DHRSX: variants seen among roughly 807,000 people sequenced by gnomAD.
DHRSX encodes dehydrogenase/reductase X-linked, also known as polyprenol dehydrogenase.
DHRSX carries 31 observed loss-of-function variants against 34.0 expected under a neutral mutation model. The observed-to-expected ratio is 0.91, with a 90% CI of 0.69 to 1.23. The LOEUF is 1.23. Ranked by LOEUF, DHRSX falls within the 50% of genes most tolerant of loss-of-function variation. The pLI is 0.00. For synonymous variants in DHRSX, 201 were observed against 183.8 expected, an observed-to-expected ratio of 1.09 and a Z score of -0.76; for missense variants, 414 against 428.1, an observed-to-expected ratio of 0.97 and a Z score of 0.29.
intron 1 of DHRSX, among the ~76,000 whole-genome samples, chrX:2,439,469 C>T (rs1179203469): frequency 6.6e-6 from 1 of 152,176 alleles, no homozygotes; most frequent in African/African-American, 2.4e-5. Flanking sequence ...GAACCAGTTT[C>T]ATGGAAGACC....
At chrX:2,405,143 G>C (rs1369936773) in intron 3 of DHRSX, among the ~76,000 whole-genome samples, 1 of 146,180 alleles carries the variant, frequency 6.8e-6, no homozygotes, top group East Asian at 1.9e-4. Context: ...TAGGGGCATA[G>C]GCAGTGACCA....
chrX:2,242,921 G>T, intron 6 of DHRSX, 102 bp downstream of exon 6: 1 of 1,161,826 alleles, frequency 8.6e-7, no homozygotes, highest in Non-Finnish European at 1.2e-6. Context: ...ATTCTTTCTT[G>T]CACGAGATCC....
At chrX:2,241,845 T>C (rs1024466856) in intron 6 of DHRSX, among the ~76,000 whole-genome samples, 1 of 151,716 alleles carries the variant, frequency 6.6e-6, no homozygotes. Context: ...GAGGCAGAGG[T>C]TGCACTGGGC....
chrX:2,489,224 T>C, intron 1 of DHRSX: 1 of 1,613,818 alleles, frequency 6.2e-7, no homozygotes, highest in Non-Finnish European at 8.5e-7. Flanking sequence ...CTTGGCCTCT[T>C]CCACCACGCG....
At chrX:2,308,160 C>G (rs145937206) in intron 3 of DHRSX, among the ~76,000 whole-genome samples, 3,861 of 152,182 alleles carry the variant, frequency 0.025, 134 homozygotes, top group African/African-American at 0.078. Context: ...CCACGTAGCT[C>G]ATGGAATAAG....
chrX:2,464,328 C>CCCTAGCAAT (rs1287247947), intron 1 of DHRSX, among the ~76,000 whole-genome samples: 1 of 68,370 alleles, frequency 1.5e-5, no homozygotes, highest in Non-Finnish European at 3.1e-5. Context: ...TGAAGAGGTT[C>CCCTAGCAAT]CCTAGCAATC....
chrX:2,469,926 A>T (rs1479054616), intron 1 of DHRSX, among the ~76,000 whole-genome samples: 1 of 152,176 alleles, frequency 6.6e-6, no homozygotes, highest in Non-Finnish European at 1.5e-5. Flanking sequence ...AAAGGAAATC[A>T]GCCCATCAAT....
At chrX:2,282,962 G>C (rs1602865692) in intron 4 of DHRSX, among the ~76,000 whole-genome samples, 1 of 151,506 alleles carries the variant, frequency 6.6e-6, no homozygotes, top group Non-Finnish European at 1.5e-5. Flanking sequence ...GAGAGACAGA[G>C]AGAAAAAGCA....
intron 3 of DHRSX, among the ~76,000 whole-genome samples, chrX:2,298,620 A>ACACACACG (rs2041970311): frequency 7.0e-6 from 1 of 143,160 alleles, no homozygotes; most frequent in African/African-American, 3.0e-5. Flanking sequence ...ACACACACAC[A>ACACACACG]CACACACACA....
At chrX:2,474,850 C>A (rs1036564228) in intron 1 of DHRSX, among the ~76,000 whole-genome samples, 1 of 149,840 alleles carries the variant, frequency 6.7e-6, no homozygotes, top group Non-Finnish European at 1.5e-5. Flanking sequence ...GCTAAGGGAC[C>A]GCCGCCATGT....
intron 3 of DHRSX, among the ~76,000 whole-genome samples, chrX:2,372,734 G>A (rs774761028): frequency 9.2e-5 from 14 of 151,556 alleles, no homozygotes; most frequent in African/African-American, 3.1e-4. Context: ...TCAGCCTCCC[G>A]AGTAGCTGGG....
intron 6 of DHRSX, among the ~76,000 whole-genome samples, chrX:2,224,605 AAC>A (rs1212785010): frequency 6.6e-5 from 10 of 152,142 alleles, no homozygotes; most frequent in East Asian, 3.8e-4. Flanking sequence ...CTGTAAGAAA[AAC>A]ACACGCACAC....
chrX:2,430,185 T>C, intron 1 of DHRSX, among the ~76,000 whole-genome samples: 2 of 143,246 alleles, frequency 1.4e-5, no homozygotes, highest in Middle Eastern at 4.0e-3. Context: ...CGTGGGGTCT[T>C]CCCTGAAAAC....
chrX:2,335,350 C>G (rs752301060), intron 3 of DHRSX, among the ~76,000 whole-genome samples: 6 of 151,956 alleles, frequency 3.9e-5, no homozygotes, highest in African/African-American at 1.4e-4. Flanking sequence ...GAGAGGTACA[C>G]TGGTTCCATC....
chrX:2,304,216 G>GATAA (rs2042068766), intron 3 of DHRSX, among the ~76,000 whole-genome samples: 5 of 133,728 alleles, frequency 3.7e-5, no homozygotes, highest in African/African-American at 8.7e-5. Flanking sequence ...TGGATGGATG[G>GATAA]ATGGATGGAT....
At chrX:2,496,949 GT>G (rs749698372) in intron 1 of DHRSX, among the ~76,000 whole-genome samples, 136 of 150,978 alleles carry the variant, frequency 9.0e-4, no homozygotes, top group African/African-American at 3.2e-3. Context: ...TATGTAACAT[GT>G]AATTGGCCTG....
chrX:2,457,750 G>C (rs1464767572), intron 1 of DHRSX, among the ~76,000 whole-genome samples: 1 of 151,684 alleles, frequency 6.6e-6, no homozygotes, highest in Admixed American at 6.6e-5. Flanking sequence ...CTGCCACCAT[G>C]TACACACTGA....
intron 3 of DHRSX, among the ~76,000 whole-genome samples, chrX:2,371,669 C>CCCTCCTCCTCCCATTATCACCGCT (rs2043073131): frequency 5.2e-5 from 4 of 76,426 alleles, no homozygotes; most frequent in African/African-American, 1.3e-4. Context: ...TTACCATAGT[C>CCCTCCTCCTCCCATTATCACCGCT]CCTCCTCCTC....
At chrX:2,251,210 A>G (rs768263143) in intron 5 of DHRSX, among the ~76,000 whole-genome samples, 1 of 152,326 alleles carries the variant, frequency 6.6e-6, no homozygotes, top group South Asian at 2.1e-4. Context: ...CCATCTAATT[A>G]GGAATAAATA....
Sources: allele counts gnomAD v4.1 joint callset (sites outside exome capture counted in the v4.1 genomes callset), GRCh38; gene constraint gnomAD v4.1.1; transcripts MANE v1.5; gene names NCBI Gene and HGNC (gene_info 2026-07-23, HGNC 2026-07-21).